Variants in PCDHA2 observed in about 807,000 individuals in gnomAD.
PCDHA2 encodes protocadherin alpha 2, also known as protocadherin alpha-2.
Under a neutral mutation model 66.0 loss-of-function variants are expected in PCDHA2, and 58 were observed. That is an observed-to-expected ratio of 0.88 (90% CI 0.71 to 1.09). The LOEUF (loss-of-function observed/expected upper bound fraction) is 1.09. PCDHA2 is among the 50% of genes least tolerant of loss of function. The pLI, the probability that PCDHA2 is intolerant of heterozygous loss-of-function variation, is 0.00. For missense variants in PCDHA2, 1,267 were observed against 1,242.3 expected (o/e 1.02, Z -0.30); for synonymous variants, 634 against 554.0 (o/e 1.14, Z -2.03).
chr5:140,886,129 A>G (rs1428853250), intron 1 of PCDHA2, among the ~76,000 whole-genome samples: 1 of 152,224 alleles, frequency 6.6e-6, no homozygotes, highest in Non-Finnish European at 1.5e-5. Flanking sequence ...TTCCGTAACA[A>G]CCAGATTCTT....
intron 1 of PCDHA2, chr5:140,869,855 T>C: frequency 6.2e-7 from 1 of 1,610,578 alleles, no homozygotes; most frequent in Non-Finnish European, 8.5e-7. Context: ...AAGGTGAGCC[T>C]TATGGAAAAT....
intron 1 of PCDHA2, chr5:140,849,498 A>G: frequency 6.3e-7 from 1 of 1,593,626 alleles, no homozygotes. Context: ...TGGTCATTGT[A>G]CACTTCTTGT....
At chr5:140,979,868 C>T (rs1554241158) in intron 2 of PCDHA2, among the ~76,000 whole-genome samples, 1 of 152,160 alleles carries the variant, frequency 6.6e-6, no homozygotes. Context: ...AATATCTGGG[C>T]AACTATCAAG....
chr5:140,948,763 C>T (rs1195337502), intron 1 of PCDHA2, among the ~76,000 whole-genome samples: 4 of 151,102 alleles, frequency 2.6e-5, no homozygotes, highest in Non-Finnish European at 4.4e-5. Flanking sequence ...TGATTTTTTT[C>T]GAATAGCCAG....
At chr5:140,926,998 G>C in intron 1 of PCDHA2, 1 of 1,612,288 alleles carries the variant, frequency 6.2e-7, no homozygotes, top group Non-Finnish European at 8.5e-7. Flanking sequence ...GGGCGTAGCC[G>C]TAGGCAATCT....
At chr5:140,823,923 G>C in intron 1 of PCDHA2, 1 of 1,614,002 alleles carries the variant, frequency 6.2e-7, no homozygotes, top group Non-Finnish European at 8.5e-7. Context: ...CGCTGCTGCT[G>C]TACACCGCGC....
rs2150415705 is a variant in PCDHA2 at position 140,848,636 on chromosome 5, C to G, written c.2388+51284C>G. 17 of 1,593,284 alleles carry G rather than the reference C, an allele frequency of 1.1e-5. 2 individuals carry two copies. The highest frequency in any genetic ancestry group is 6.7e-5 in the African/African-American group (5 of 74,384). On this transcript the variant is annotated intron_variant, in intron 1 of 3. Transcript: ENST00000526136. Reference sequence around the variant, plus strand: ...CCGAACACGGCACCTTCGTGGGCCGCATCGCGCAGGACCTGGGGCTGGAGC... The same window carrying G: ...CCGAACACGGCACCTTCGTGGGCCGGATCGCGCAGGACCTGGGGCTGGAGC...
chr5:140,884,057 G>C lies in PCDHA2; in HGVS notation c.2388+86705G>C, dbSNP rs141156800. On this transcript the variant is annotated intron_variant, in intron 1 of 3. Transcript: ENST00000526136. ...CCACGTGGTGGCGAAGGTGCGCGCG[G>C]TGGACGCCGATTCGGGCTACAATGC... 6.2e-6 allele frequency: 10 copies of C among 1,613,422 alleles called. No homozygotes were observed. In the African/African-American group the frequency reaches 1.3e-4, roughly 22 times the overall value.
intron 1 of PCDHA2, among the ~76,000 whole-genome samples, chr5:140,946,108 T>C (rs782062288): frequency 2.0e-5 from 3 of 151,938 alleles, no homozygotes; most frequent in Non-Finnish European, 4.4e-5. Context: ...ATACCAAATA[T>C]ATAAGGAACT....
At chr5:140,892,980 G>T (rs568292110) in intron 1 of PCDHA2, among the ~76,000 whole-genome samples, 192 of 152,148 alleles carry the variant, frequency 1.3e-3, no homozygotes, top group African/African-American at 4.5e-3. Flanking sequence ...TGTAGCTGCC[G>T]TATAAGTGAG....
rs782187936 is a variant in PCDHA2, at chr5:140,796,881, G to T, written c.1917G>T (p.Glu639Asp). 3 of 1,613,900 alleles carry T rather than the reference G, an allele frequency of 1.9e-6. No homozygotes were observed. Among genetic ancestry groups the T allele is most frequent in the East Asian group, 2.2e-5 (1 of 44,880 alleles). ...TCAGCACGACACGTGCCCTAGACGA[G>T]GCTGACTCCCCTCGACACCGCCTAC... ...GEISTTRALDEADSPRHRLLV... is the reference protein window; with the variant it reads ...GEISTTRALDDADSPRHRLLV... Residue 639 changes from glutamate (E) to aspartate (D), a missense_variant, in exon 1 of 4, where the codon GAG (glutamate) becomes GAT (aspartate). By Grantham distance (45) the Glu-to-Asp change is conservative. Transcript: ENST00000526136.
At position 140,830,008 on chromosome 5, in the gene PCDHA2, A is replaced by G. The variant is rs2150179389; in HGVS notation, c.2388+32656A>G. The G allele has an allele frequency of 0.011, 17,411 of 1,613,856 alleles. 1,614 individuals are homozygous for G. In the African/African-American group the frequency reaches 0.2, roughly 19 times the overall value. On this transcript the variant is annotated intron_variant, in intron 1 of 3. Coordinates refer to ENST00000526136, the MANE Select transcript of PCDHA2 (RefSeq NM_018905.3). Reference sequence around the variant, plus strand: ...TCAGCACCACTCGTGTCCTGGACGAAGCGGACTCTCCGCGCCACCGGCTGC... The same window carrying G: ...TCAGCACCACTCGTGTCCTGGACGAGGCGGACTCTCCGCGCCACCGGCTGC...
chr5:140,810,870 C>T (rs900073514), intron 1 of PCDHA2: 3 of 152,002 alleles, frequency 2.0e-5, no homozygotes, highest in East Asian at 1.9e-4. Context: ...TCAATTTTTG[C>T]TTCTGATCCT....
chr5:140,851,781 A>G, intron 1 of PCDHA2: 1 of 959,776 alleles, frequency 1.0e-6, no homozygotes. Context: ...AATTTAGATG[A>G]GAATTCACTT....
intron 1 of PCDHA2, chr5:140,825,744 G>T (rs181658455): frequency 3.9e-5 from 6 of 152,526 alleles, no homozygotes; most frequent in African/African-American, 1.4e-4. Flanking sequence ...TTGATGAGGA[G>T]TAACTGTGAA....
chr5:141,004,604 C>A (rs1282201587), intron 3 of PCDHA2, among the ~76,000 whole-genome samples: 1 of 152,176 alleles, frequency 6.6e-6, no homozygotes, highest in African/African-American at 2.4e-5. Context: ...GTGCTTAGGC[C>A]TCATGCAGAG....
intron 1 of PCDHA2, chr5:140,848,940 G>C: frequency 6.2e-7 from 1 of 1,607,456 alleles, no homozygotes; most frequent in Non-Finnish European, 8.5e-7. Context: ...CAGGCCGCTT[G>C]ACTCTCGGTT....
At chr5:140,804,891 C>T in intron 1 of PCDHA2, 1 of 669,168 alleles carries the variant, frequency 1.5e-6, no homozygotes, top group Non-Finnish European at 2.3e-6. Flanking sequence ...CCTCTCCTTC[C>T]CCTCACTTCC....
At chr5:140,928,885 C>T in intron 1 of PCDHA2, 1 of 1,614,194 alleles carries the variant, frequency 6.2e-7, no homozygotes, top group Non-Finnish European at 8.5e-7. Context: ...TCAGTTACTT[C>T]CAGACTTTGA....
Sources: allele counts gnomAD v4.1 joint callset (sites outside exome capture counted in the v4.1 genomes callset), GRCh38; gene constraint gnomAD v4.1.1; transcripts MANE v1.5; gene names NCBI Gene and HGNC (gene_info 2026-07-23, HGNC 2026-07-21).